NPAS4: variants seen among roughly 807,000 people sequenced by gnomAD.
NPAS4 encodes neuronal PAS domain-containing protein 4.
Under a neutral mutation model 64.0 loss-of-function variants are expected in NPAS4, and 10 were observed. The ratio of observed to expected loss-of-function variants is 0.16; its 90% CI spans 0.10 to 0.26. The LOEUF is 0.26. Ranked by LOEUF, NPAS4 falls within the 10% of genes least tolerant of loss-of-function variation. NPAS4 has a pLI of 1.00. For missense variants in NPAS4, 886 were observed against 992.6 expected (o/e 0.89, Z 1.44); for synonymous variants, 441 against 411.7 (o/e 1.07, Z -0.86).
In NPAS4 at chr11:66,424,923, G is replaced by C; in HGVS notation, c.2033G>C (p.Gly678Ala). Residue 678 changes from glycine to alanine, a missense_variant, in exon 7 of 8, where the codon GGC (glycine) becomes GCC (alanine). Transcript: ENST00000311034. ...TCCAACCTGTCCCTGTCAGGGGCAG[G>C]CCCCCCTGTGCTCAGCCTGGACCTG... is the stretch of plus-strand genomic sequence containing the variant. ...LDSNLSLSGA[G>A]PPVLSLDLKP... 1 of 1,613,986 alleles carries C rather than the reference G, an allele frequency of 6.2e-7. No homozygotes were observed. The highest frequency in any genetic ancestry group is 1.1e-5 in the South Asian group (1 of 91,082).
rs752554494 is a variant in NPAS4 at position 66,424,423 on chromosome 11, G to A, written c.1533G>A (p.Gln511=). ...CCTGCACCTCCACCTTCCCAGACCA[G>A]CTGCTTCCCAGCACAGCCACCTTCC... ...LTPCTSTFPD[Q]LLPSTATFPE... The change falls in exon 7 of 8, where the codon CAG becomes CAA. Residue 511 remains glutamine, a synonymous_variant. Coordinates refer to ENST00000311034, the MANE Select transcript of NPAS4 (RefSeq NM_178864.4). The A allele has an allele frequency of 4.3e-6, 7 of 1,614,068 alleles. No homozygotes were observed. The highest frequency in any genetic ancestry group is 5.9e-6 in the Non-Finnish European group (7 of 1,179,994).
the NPAS4 span, among the ~76,000 whole-genome samples, chr11:66,412,874 T>C: frequency 2.0e-5 from 3 of 152,228 alleles, no homozygotes; most frequent in African/African-American, 7.2e-5. Context: ...GTGGACCGTG[T>C]CTCTCCCACT....
Position 66,422,880 on chromosome 11 carries a change from T to C in NPAS4, c.637T>C (p.Phe213Leu). The change falls in exon 4 of 8, where the codon TTC becomes CTC. Residue 213 changes from phenylalanine to leucine, a missense_variant. By Grantham distance (22) the Phe-to-Leu change is conservative. Coordinates refer to ENST00000311034, the MANE Select transcript of NPAS4 (RefSeq NM_178864.4). The stretch of plus-strand genomic sequence containing the variant: ...CCCTGGCCCTGGCCCTGCCTCGCTC[T>C]TCCTGGCCATGTTCCAGAGCCGCCA... The part of the protein sequence containing the change: ...PGPGPGPASL[F>L]LAMFQSRHAK... 1 of 1,611,478 alleles carries C rather than the reference T, an allele frequency of 6.2e-7. No individual in the cohort carries two copies. Among genetic ancestry groups the C allele is most frequent in the Non-Finnish European group, 8.5e-7 (1 of 1,180,012 alleles).
In NPAS4 at chr11:66,425,179, C is replaced by T; in HGVS notation, c.2289C>T (p.Ala763=). 1.3e-6 allele frequency: 2 copies of T among 1,588,864 alleles called. No individual in the cohort carries two copies. Among genetic ancestry groups the T allele is most frequent in the South Asian group, 1.2e-5 (1 of 86,616 alleles). The part of the protein sequence containing the change: ...FLEDLATYET[A]FETGVSAFPY... ...AGGACCTGGCCACATATGAAACCGC[C>T]TTTGAGACAGGTGTCTCAGCATTCC... Residue 763 remains alanine (A), a synonymous_variant, in exon 7 of 8, where the codon GCC becomes GCT. Transcript: ENST00000311034.
rs971165532 is a variant in NPAS4 at position 66,424,387 on chromosome 11, C to T, written c.1497C>T (p.Asp499=). Residue 499 remains aspartate, a synonymous_variant, in exon 7 of 8, where the codon GAC becomes GAT. Coordinates refer to ENST00000311034, the MANE Select transcript of NPAS4 (RefSeq NM_178864.4). The stretch of plus-strand genomic sequence containing the variant: ...AAACCTCGGTCAGAAGCTATGAAGA[C>T]CAGTTGACTCCCTGCACCTCCACCT... The part of the protein sequence containing the change: ...LTETSVRSYE[D]QLTPCTSTFP... 11 of 1,613,952 alleles carry T rather than the reference C, an allele frequency of 6.8e-6. No homozygotes were observed. Among genetic ancestry groups the T allele is most frequent in the East Asian group, 2.2e-5 (1 of 44,890 alleles).
In NPAS4 at chr11:66,425,219, A is replaced by C. The variant is rs541874544; in HGVS notation, c.2329A>C (p.Thr777Pro). 6.5e-7 allele frequency: 1 copy of C among 1,538,058 alleles called. No individual in the cohort carries two copies. The highest frequency in any genetic ancestry group is 2.2e-5 in the Admixed American group (1 of 45,296). Residue 777 changes from threonine to proline, a missense_variant, in exon 7 of 8, where the codon ACT becomes CCT. Around this residue, in one of 3 missense-constraint regions of NPAS4, gnomAD observed 28 missense variants for 57.0 expected, o/e 0.49. Transcript: ENST00000311034. ...GVSAFPYDGF[T>P]DELHQLQSQV... Reference sequence around the variant, plus strand: ...CTCAGCATTCCCCTATGATGGGTTTACTGATGAGTTGCATCAACTCCAGAG... The same window carrying C: ...CTCAGCATTCCCCTATGATGGGTTTCCTGATGAGTTGCATCAACTCCAGAG...
the NPAS4 span, among the ~76,000 whole-genome samples, chr11:66,412,929 C>T: frequency 1.3e-5 from 2 of 152,234 alleles, no homozygotes; most frequent in Non-Finnish European, 2.9e-5. Context: ...CACACCACCT[C>T]CTCAAGCCTC....
the NPAS4 span, among the ~76,000 whole-genome samples, chr11:66,411,738 G>T: frequency 4.6e-5 from 7 of 152,288 alleles, 1 homozygote; most frequent in South Asian, 1.5e-3. Flanking sequence ...TGTGGTTCCC[G>T]CGTTCCCCAG....
chr11:66,425,113 G>T lies in NPAS4; in HGVS notation c.2223G>T (p.Ser741=), dbSNP rs151135507. 1 of 1,604,928 alleles carries T rather than the reference G, an allele frequency of 6.2e-7. No individual in the cohort carries two copies. Among genetic ancestry groups the T allele is most frequent in the Non-Finnish European group, 8.5e-7 (1 of 1,176,804 alleles). The part of the protein sequence containing the change: ...PEAEGPGGAP[S]PCNNLSPEDH... Reference sequence around the variant, plus strand: ...CAGAGGGCCCAGGAGGGGCCCCATCGCCTTGCAACAACCTGTCCCCAGAAG... The same window carrying T: ...CAGAGGGCCCAGGAGGGGCCCCATCTCCTTGCAACAACCTGTCCCCAGAAG... Residue 741 remains serine, a synonymous_variant, in exon 7 of 8, where the codon TCG becomes TCT. Coordinates refer to ENST00000311034, the MANE Select transcript of NPAS4 (RefSeq NM_178864.4).
At position 66,421,366 on chromosome 11, in the gene NPAS4, G is replaced by A. The variant is rs1303038008; in HGVS notation, c.175+12G>A. 1.2e-6 allele frequency: 2 copies of A among 1,613,094 alleles called. No homozygotes were observed. The highest frequency in any genetic ancestry group is 1.7e-5 in the Admixed American group (1 of 60,006). On this transcript the variant is annotated intron_variant, in intron 1 of 7. Transcript: ENST00000311034. ...CTTCTTCGCTGGTGGTGAGCATGCT[G>A]GGGCTACCGCAGATCCGAGCTGCCA...
Position 66,425,100 on chromosome 11 carries a change from G to A in NPAS4, c.2210G>A (p.Gly737Glu), listed in dbSNP as rs1856819655. Residue 737 changes from glycine to glutamate, a missense_variant, in exon 7 of 8, where the codon GGA becomes GAA. Gly to Glu is a moderately conservative substitution (Grantham distance 98). This residue lies in a region of NPAS4 where 820 missense variants were observed against 855.5 expected (regional missense o/e 0.96). Transcript: ENST00000311034. ...GSGDPEAEGP[G>E]GAPSPCNNLS... is the part of the protein sequence containing the mutation. ...GGGGATCCTGAGGCAGAGGGCCCAG[G>A]AGGGGCCCCATCGCCTTGCAACAAC... 1 of 1,605,050 alleles carries A rather than the reference G, an allele frequency of 6.2e-7. No homozygotes were observed. The highest frequency in any genetic ancestry group is 8.5e-7 in the Non-Finnish European group (1 of 1,176,568).
chr11:66,411,475 G>T, the NPAS4 span, among the ~76,000 whole-genome samples: 2 of 152,176 alleles, frequency 1.3e-5, no homozygotes, highest in Non-Finnish European at 2.9e-5. Context: ...AACATAATCC[G>T]CTGACATCTA....
intron 3 of NPAS4, 27 bp downstream of exon 3, chr11:66,422,580 G>T (rs768092555): frequency 2.9e-5 from 46 of 1,605,034 alleles, no homozygotes; most frequent in Non-Finnish European, 2.6e-6. Flanking sequence ...CCCTTCCTCG[G>T]TCCAATTTCC....
rs552390661 is a variant in NPAS4 at position 66,426,161 on chromosome 11, G to T, written c.*172G>T. 172 of 573,428 alleles carry T rather than the reference G, an allele frequency of 3.0e-4. No individual in the cohort carries two copies. The African/African-American group carries it at 3.2e-3, about 11-fold the overall frequency. 35.5% of individuals were successfully genotyped at this position (573,428 alleles called of 1,614,324 possible). ...GGGGAGGTGGGAGGGCAAGGGAGGG[G>T]AGCTTCTTTTTAAAATCAAGAGACT... On this transcript the variant is annotated 3_prime_UTR_variant, in exon 8 of 8. Coordinates refer to ENST00000311034, the MANE Select transcript of NPAS4 (RefSeq NM_178864.4).
At chr11:66,415,006 C>T in the NPAS4 span, among the ~76,000 whole-genome samples, 1 of 152,160 alleles carries the variant, frequency 6.6e-6, no homozygotes, top group African/African-American at 2.4e-5. Flanking sequence ...CTTCGGGAGG[C>T]CCAATATCCC....
chr11:66,417,549 G>T (rs1856685578), upstream of NPAS4, among the ~76,000 whole-genome samples: 1 of 152,160 alleles, frequency 6.6e-6, no homozygotes, highest in Non-Finnish European at 1.5e-5. Flanking sequence ...CCTTTGGAAA[G>T]AGGAGAAGAT....
the NPAS4 span, chr11:66,410,736 G>C: frequency 6.6e-6 from 1 of 152,374 alleles, no homozygotes; most frequent in Non-Finnish European, 1.5e-5. Flanking sequence ...CATCTTTCAA[G>C]GGCCGTCACT....
upstream of NPAS4, among the ~76,000 whole-genome samples, chr11:66,417,503 G>T (rs1402381467): frequency 6.6e-6 from 1 of 152,162 alleles, no homozygotes; most frequent in Non-Finnish European, 1.5e-5. Context: ...ACTAGAGATT[G>T]CATGCAACAA....
the NPAS4 span, among the ~76,000 whole-genome samples, chr11:66,415,516 T>C: frequency 6.6e-6 from 1 of 152,222 alleles, no homozygotes; most frequent in Admixed American, 6.5e-5. Flanking sequence ...TTTTGAACCA[T>C]ATGGTCTCTG....
Sources: allele counts gnomAD v4.1 joint callset (sites outside exome capture counted in the v4.1 genomes callset), GRCh38; gene constraint gnomAD v4.1.1; regional missense constraint gnomAD v4.1.1; transcripts MANE v1.5; gene names NCBI Gene and HGNC (gene_info 2026-07-23, HGNC 2026-07-21).